The following THSD7A variants were observed in gnomAD, a reference collection of about 807,000 sequenced individuals.
THSD7A encodes the protein thrombospondin type 1 domain containing 7A, also known as thrombospondin type-1 domain-containing protein 7A.
THSD7A carries 96 observed loss-of-function variants against 231.3 expected under a neutral mutation model. That is an observed-to-expected ratio of 0.41 (90% confidence interval 0.35 to 0.49). THSD7A has a LOEUF of 0.49. Among genes scored for constraint, THSD7A ranks in the 20% least tolerant of loss-of-function variants. The pLI, the probability that THSD7A is intolerant of heterozygous loss-of-function variation, is 0.05. For missense variants in THSD7A, 2,290 were observed against 2,070.2 expected, an observed-to-expected ratio of 1.11 and a Z score of -2.06; for synonymous variants, 940 against 743.3, an observed-to-expected ratio of 1.26 and a Z score of -4.30.
chr7:11,540,366 T>A (rs866646154), intron 6 of THSD7A, among the ~76,000 whole-genome samples: 1 of 152,194 alleles, frequency 6.6e-6, no homozygotes, highest in Non-Finnish European at 1.5e-5. Flanking sequence ...GAGAGTGTCT[T>A]TCTTTACGAC....
At chr7:11,559,674 T>C (rs1435324465) in intron 4 of THSD7A, among the ~76,000 whole-genome samples, 2 of 151,924 alleles carry the variant, frequency 1.3e-5, no homozygotes, top group Non-Finnish European at 2.9e-5. Context: ...TAAAAAAAGA[T>C]GGAAGAATTG....
Position 11,677,575 on chromosome 7 carries a change from AATGGAAAGC to A in THSD7A, c.191-40623_191-40615del, listed in dbSNP as rs1485489968. Among the ~76,000 whole-genome samples, 29 of 128,958 alleles carry A rather than the reference AATGGAAAGC, an allele frequency of 2.2e-4. 1 individual carries two copies. Among genetic ancestry groups the A allele is most frequent in the African/African-American group, 9.3e-4 (29 of 31,272 alleles). The allele number at this position is 128,958 out of a possible 152,430, so 84.6% of individuals were successfully genotyped here. On this transcript the variant is annotated intron_variant, in intron 1 of 27. Transcript: ENST00000423059. ...GGGATGGAAGAAGATTGACCAAGCA[AATGGAAAGC>A]AAAAAAAAAAAAAAAAAAAAAAAAA...
chr7:11,812,510 G>T (rs994544529), intron 1 of THSD7A, among the ~76,000 whole-genome samples: 1 of 152,070 alleles, frequency 6.6e-6, no homozygotes, highest in Non-Finnish European at 1.5e-5. Flanking sequence ...AACTGTAAGA[G>T]AAAATGGTAA....
rs189015508 is a variant in THSD7A at position 11,628,358 on chromosome 7, C to T, written c.1022+7772G>A. 4.6e-5 allele frequency among the ~76,000 whole-genome samples: 7 copies of T among 152,288 alleles called. No homozygotes were observed. The East Asian group carries it at 9.7e-4, about 21-fold the overall frequency. ...CCTACAGAAACAGTATTTTTCCACA[C>T]GGAACAATTACTGCTGCAATTCTCA... On this transcript the variant is annotated intron_variant, in intron 2 of 27. Coordinates refer to ENST00000423059, the MANE Select transcript of THSD7A (RefSeq NM_015204.3).
intron 1 of THSD7A, among the ~76,000 whole-genome samples, chr7:11,747,854 T>C (rs1782361762): frequency 6.6e-6 from 1 of 151,930 alleles, no homozygotes; most frequent in Non-Finnish European, 1.5e-5. Context: ...AAGTAGAGAT[T>C]CTTGGCAGAG....
chr7:11,698,708 A>G (rs1350815492), intron 1 of THSD7A, among the ~76,000 whole-genome samples: 2 of 151,408 alleles, frequency 1.3e-5, no homozygotes, highest in Non-Finnish European at 3.0e-5. Flanking sequence ...TAGGTTAAAA[A>G]CAACACTTCA....
intron 1 of THSD7A, among the ~76,000 whole-genome samples, chr7:11,642,687 T>C (rs989399183): frequency 1.3e-5 from 2 of 152,130 alleles, no homozygotes; most frequent in African/African-American, 2.4e-5. Context: ...TTATGCAAAA[T>C]TGCAATAAAA....
At chr7:11,797,655 G>A (rs978228597) in intron 1 of THSD7A, among the ~76,000 whole-genome samples, 1 of 151,892 alleles carries the variant, frequency 6.6e-6, no homozygotes, top group East Asian at 1.9e-4. Flanking sequence ...CTGGCCTTAA[G>A]CAATCCTCCC....
At position 11,481,799 on chromosome 7, in the gene THSD7A, G is replaced by A. The variant is rs765150649; in HGVS notation, c.2006C>T (p.Ala669Val). 1.9e-5 allele frequency: 30 copies of A among 1,605,038 alleles called. No homozygotes were observed. Among genetic ancestry groups the A allele is most frequent in the Non-Finnish European group, 2.5e-5 (29 of 1,175,102 alleles). The change falls in exon 7 of 28, where the codon GCG (alanine) becomes GTG (valine). Residue 669 changes from alanine (A) to valine (V), a missense_variant. Transcript: ENST00000423059. ...AGCTGGCGACTCACCTTCTTCACCC[G>A]CATAGGCCAGAATGGATCGTGCTCG... ...QIRARSILAY[A>V]GEEGGIRCPN...
intron 23 of THSD7A, chr7:11,385,717 T>C (rs1782712455): frequency 6.6e-6 from 1 of 152,144 alleles, no homozygotes; most frequent in Admixed American, 6.6e-5. Flanking sequence ...CTTTCATAAG[T>C]AACTTTATTT....
At chr7:11,470,235 C>T (rs1028756790) in intron 8 of THSD7A, among the ~76,000 whole-genome samples, 2 of 151,996 alleles carry the variant, frequency 1.3e-5, no homozygotes, top group African/African-American at 2.4e-5. Flanking sequence ...ACCAATAATG[C>T]TATTTAGAAA....
Position 11,460,784 on chromosome 7 carries a change from A to T in THSD7A, c.2502-19T>A. The T allele has an allele frequency of 6.2e-7, 1 of 1,602,778 alleles. No homozygotes were observed. Among genetic ancestry groups the T allele is most frequent in the Non-Finnish European group, 8.5e-7 (1 of 1,173,760 alleles). ...CTTCCACCTACAAGACAGGAACAGA[A>T]GCCCAGTGGGGAAGAAGCAAAAATG... On this transcript the variant is annotated intron_variant, in intron 10 of 27. Coordinates refer to ENST00000423059, the MANE Select transcript of THSD7A (RefSeq NM_015204.3).
At chr7:11,573,672 T>G (rs1303326273) in intron 4 of THSD7A, among the ~76,000 whole-genome samples, 1 of 152,248 alleles carries the variant, frequency 6.6e-6, no homozygotes, top group Non-Finnish European at 1.5e-5. Flanking sequence ...TCTGATTATT[T>G]TAATTATTTA....
rs115951624 is a variant in THSD7A, at chr7:11,784,852, C to A, written c.190+46905G>T. Among the ~76,000 whole-genome samples the A allele has an allele frequency of 5.9e-3, 893 of 152,026 alleles. 7 individuals are homozygous for A. Among genetic ancestry groups the A allele is most frequent in the African/African-American group, 0.02 (842 of 41,470 alleles). On this transcript the variant is annotated intron_variant, in intron 1 of 27. Transcript: ENST00000423059. Reference sequence around the variant, plus strand: ...AAGACTATCAAAATGCCATAAATTCCGGGTGTGTGTTTTGTGTTTGCTTTT... The same window carrying A: ...AAGACTATCAAAATGCCATAAATTCAGGGTGTGTGTTTTGTGTTTGCTTTT...
chr7:11,502,523 A>G (rs1336061788), intron 6 of THSD7A, among the ~76,000 whole-genome samples: 1 of 152,246 alleles, frequency 6.6e-6, no homozygotes, highest in Admixed American at 6.5e-5. Flanking sequence ...AAACAGAACT[A>G]AAGAAAAAAA....
intron 16 of THSD7A, among the ~76,000 whole-genome samples, chr7:11,420,747 C>A (rs1308186997): frequency 6.6e-6 from 1 of 152,224 alleles, no homozygotes; most frequent in Non-Finnish European, 1.5e-5. Flanking sequence ...ACACTCAATG[C>A]CAGCTCATGA....
intron 1 of THSD7A, among the ~76,000 whole-genome samples, chr7:11,777,947 AG>A (rs1286429841): frequency 1.3e-5 from 2 of 150,640 alleles, no homozygotes; most frequent in Non-Finnish European, 3.0e-5. Context: ...CAAGAGATCG[AG>A]ACCATCCCGG....
At chr7:11,737,420 G>A (rs574377346) in intron 1 of THSD7A, among the ~76,000 whole-genome samples, 1 of 152,122 alleles carries the variant, frequency 6.6e-6, no homozygotes, top group Admixed American at 6.5e-5. Context: ...GATGGAGTAA[G>A]GAAGAAGACA....
intron 4 of THSD7A, among the ~76,000 whole-genome samples, chr7:11,565,197 A>G (rs1191430623): frequency 2.0e-5 from 3 of 152,212 alleles, no homozygotes; most frequent in African/African-American, 7.2e-5. Context: ...AGCAGTCTGG[A>G]ATATGTATGT....
Sources: gnomAD v4.1 joint callset for allele counts (sites outside exome capture counted in the v4.1 genomes callset) on GRCh38, gnomAD v4.1.1 for gene constraint, MANE v1.5 for transcripts, NCBI Gene and HGNC (gene_info 2026-07-23, HGNC 2026-07-21) for gene names.